Variants in LYPD6B observed in about 807,000 individuals in gnomAD.
The protein encoded by LYPD6B is ly6/PLAUR domain-containing protein 6B.
In LYPD6B, 17 loss-of-function variants were observed where a neutral mutation model predicts 22.8. The observed-to-expected ratio is 0.75, with a 90% CI of 0.51 to 1.12. LYPD6B has a LOEUF of 1.12. Ranked by LOEUF, LYPD6B falls within the 50% of genes most tolerant of loss-of-function variation. The pLI, the probability that LYPD6B is intolerant of heterozygous loss-of-function variation, is 0.00. For synonymous variants in LYPD6B, 106 were observed against 91.6 expected (o/e 1.16, Z -0.90); for missense variants, 221 against 258.3 (o/e 0.86, Z 0.99).
rs186238640 is a variant in LYPD6B, at chr2:149,202,336, C to T, written c.78-2917C>T. On this transcript the variant is annotated intron_variant, in intron 3 of 6. Transcript: ENST00000409642. ...CCCACCGACTCCCTGACTGTCCAGT[C>T]CCCTCCTTCGTGTTCCAGCCACACT... Among the ~76,000 whole-genome samples the T allele has an allele frequency of 2.2e-3, 340 of 152,254 alleles. 1 individual carries two copies. The highest frequency in any genetic ancestry group is 6.9e-3 in the African/African-American group (287 of 41,562).
intron 1 of LYPD6B, among the ~76,000 whole-genome samples, chr2:149,105,713 T>C (rs1255033544): frequency 6.6e-6 from 1 of 152,114 alleles, no homozygotes; most frequent in East Asian, 1.9e-4. Context: ...GATGCTTCCA[T>C]CAGATTTTCT....
In LYPD6B at chr2:149,130,667, C is replaced by G. The variant is rs545400250; in HGVS notation, c.-66-216C>G. ...CACTAAAAATGTGTATCCATTCCAT[C>G]TATGTCCTGCCAAATCTTTCTACCC... On this transcript the variant is annotated intron_variant, in intron 1 of 6. Coordinates refer to ENST00000409642, the MANE Select transcript of LYPD6B (RefSeq NM_177964.5). Among the ~76,000 whole-genome samples the G allele has an allele frequency of 6.6e-5, 10 of 152,282 alleles. No individual in the cohort carries two copies. In the South Asian group the frequency reaches 2.1e-3, roughly 32 times the overall value.
intron 2 of LYPD6B, among the ~76,000 whole-genome samples, chr2:149,141,028 C>T (rs1393754875): frequency 2.6e-5 from 4 of 152,242 alleles, no homozygotes; most frequent in African/African-American, 9.6e-5. Flanking sequence ...AAATAAAGTC[C>T]CTGTTCTCAT....
intron 1 of LYPD6B, among the ~76,000 whole-genome samples, chr2:149,129,472 C>G (rs1471573086): frequency 6.6e-6 from 1 of 152,188 alleles, no homozygotes; most frequent in Non-Finnish European, 1.5e-5. Context: ...ATCTGAAAAT[C>G]TCATCTTTGG....
At position 149,038,941 on chromosome 2, in the gene LYPD6B, TCGCGGGGCCGCGGGGC is replaced by T. The variant is rs546636630; in HGVS notation, c.-67+162_-67+177del. On this transcript the variant is annotated intron_variant, in intron 1 of 6. Coordinates refer to ENST00000409642, the MANE Select transcript of LYPD6B (RefSeq NM_177964.5). Reference sequence around the variant, plus strand: ...TGGGCGCGCTGGGGCAGCCAGGAGCTCGCGGGGCCGCGGGGCCGCGGGGCCGCGGGGCCGCGGCGCA... The same window carrying T: ...TGGGCGCGCTGGGGCAGCCAGGAGCTCGCGGGGCCGCGGGGCCGCGGCGCA... 639 of 148,176 alleles carry T rather than the reference TCGCGGGGCCGCGGGGC, an allele frequency of 4.3e-3. 5 individuals are homozygous for T. The highest frequency in any genetic ancestry group is 6.9e-3 in the Middle Eastern group (2 of 290). 9.2% of individuals were successfully genotyped at this position (148,176 alleles called of 1,614,324 possible).
intron 3 of LYPD6B, among the ~76,000 whole-genome samples, chr2:149,177,114 G>T (rs567873142): frequency 1.3e-5 from 2 of 152,160 alleles, no homozygotes; most frequent in African/African-American, 2.4e-5. Flanking sequence ...AACCAAATGC[G>T]CAGTCTGGGT....
intron 1 of LYPD6B, among the ~76,000 whole-genome samples, chr2:149,066,446 G>T (rs1684337989): frequency 6.6e-6 from 1 of 151,684 alleles, no homozygotes; most frequent in South Asian, 2.1e-4. Context: ...TTGTCCTTGG[G>T]ATAGTTTGCT....
chr2:149,091,662 C>T (rs984140124), intron 1 of LYPD6B, among the ~76,000 whole-genome samples: 19 of 151,696 alleles, frequency 1.3e-4, no homozygotes, highest in Non-Finnish European at 2.9e-5. Flanking sequence ...GCAAATCTAC[C>T]TAAGTATACT....
chr2:149,040,250 C>T (rs549793314), intron 1 of LYPD6B, among the ~76,000 whole-genome samples: 23 of 150,266 alleles, frequency 1.5e-4, no homozygotes, highest in Admixed American at 4.0e-4. Flanking sequence ...GAGACAGACT[C>T]TCACTCTGTC....
chr2:149,142,065 G>A (rs900553568), intron 2 of LYPD6B: 8 of 152,208 alleles, frequency 5.3e-5, no homozygotes, highest in Non-Finnish European at 7.3e-5. Context: ...ATGGATTCCT[G>A]TATATGCAAC....
chr2:149,165,683 A>G (rs1036680311), intron 3 of LYPD6B, among the ~76,000 whole-genome samples: 4 of 152,222 alleles, frequency 2.6e-5, no homozygotes, highest in African/African-American at 9.6e-5. Context: ...TGAGGCACAG[A>G]GCGGTTAAGC....
At chr2:149,059,706 G>A (rs1454309075) in intron 1 of LYPD6B, among the ~76,000 whole-genome samples, 1 of 152,184 alleles carries the variant, frequency 6.6e-6, no homozygotes, top group Non-Finnish European at 1.5e-5. Context: ...AGATGAACAG[G>A]TCTTAGGCCA....
rs564808406 is a variant in LYPD6B at position 149,160,821 on chromosome 2, A to T, written c.63A>T (p.Thr21=). Residue 21 remains threonine, a synonymous_variant, in exon 3 of 7, where the codon ACA becomes ACT. Transcript: ENST00000409642. ...FTVPERSLTT[T]FSFSRYKSSD... ...TTCCAGAGAGGAGCCTGACAACCACATTCTCCTTCTCAAGGTAAGAATGGC... is the reference window on the plus strand; with the variant it reads ...TTCCAGAGAGGAGCCTGACAACCACTTTCTCCTTCTCAAGGTAAGAATGGC... 5 of 1,553,496 alleles carry T rather than the reference A, an allele frequency of 3.2e-6. No homozygotes were observed. Among genetic ancestry groups the T allele is most frequent in the Middle Eastern group, 1.7e-4 (1 of 6,004 alleles).
At chr2:149,155,264 G>T (rs1689624628) in intron 2 of LYPD6B, among the ~76,000 whole-genome samples, 1 of 152,166 alleles carries the variant, frequency 6.6e-6, no homozygotes, top group Admixed American at 6.5e-5. Context: ...ATCACCCTCT[G>T]GTTATGGGAA....
Position 149,213,001 on chromosome 2 carries a change from A to G in LYPD6B, c.338A>G (p.Tyr113Cys). 3 of 1,613,932 alleles carry G rather than the reference A, an allele frequency of 1.9e-6. No homozygotes were observed. The highest frequency in any genetic ancestry group is 2.2e-5 in the East Asian group (1 of 44,878). ...GTTTCCTCTTGCCTAGATACACAGTACTGTTTGACAGTTCATCACTTCACC... is the reference window on the plus strand; with the variant it reads ...GTTTCCTCTTGCCTAGATACACAGTGCTGTTTGACAGTTCATCACTTCACC... ...EDKWCPQNTQ[Y>C]CLTVHHFTSH... The change falls in exon 6 of 7, where the codon TAC becomes TGC. Residue 113 changes from tyrosine (Y) to cysteine (C), a missense_variant. Transcript: ENST00000409642.
chr2:149,127,384 A>G (rs1176271819), intron 1 of LYPD6B, among the ~76,000 whole-genome samples: 3 of 152,186 alleles, frequency 2.0e-5, no homozygotes, highest in Admixed American at 1.3e-4. Flanking sequence ...ACTTGGGATC[A>G]GGACTGATCT....
chr2:149,171,717 A>T (rs903491869), intron 3 of LYPD6B, among the ~76,000 whole-genome samples: 2 of 152,176 alleles, frequency 1.3e-5, no homozygotes, highest in African/African-American at 4.8e-5. Flanking sequence ...GCTCTTCTCC[A>T]CTATTTAAAG....
chr2:149,146,248 C>G (rs1432713180), intron 2 of LYPD6B, among the ~76,000 whole-genome samples: 1 of 152,034 alleles, frequency 6.6e-6, no homozygotes, highest in Non-Finnish European at 1.5e-5. Flanking sequence ...TTCTGTGAAC[C>G]TTTATTAGGT....
At chr2:149,081,638 C>G (rs139859269) in intron 1 of LYPD6B, among the ~76,000 whole-genome samples, 1 of 152,078 alleles carries the variant, frequency 6.6e-6, no homozygotes, top group East Asian at 1.9e-4. Context: ...TCACACAGAA[C>G]GTATCTGGAT....
Sources: gnomAD v4.1 joint callset for allele counts (sites outside exome capture counted in the v4.1 genomes callset) on GRCh38, gnomAD v4.1.1 for gene constraint, MANE v1.5 for transcripts, NCBI Gene and HGNC (gene_info 2026-07-23, HGNC 2026-07-21) for gene names.